The following TMED10 variants were observed in gnomAD, a reference collection of about 807,000 sequenced individuals.
TMED10 encodes the protein transmembrane emp24 domain-containing protein 10.
Under a neutral mutation model 23.1 loss-of-function variants are expected in TMED10, and 7 were observed. The observed-to-expected ratio is 0.30, with a 90% CI of 0.17 to 0.57. The LOEUF is 0.57. Among genes scored for constraint, TMED10 ranks in the 20% least tolerant of loss-of-function variants. TMED10 has a pLI of 0.91. For missense variants in TMED10, 162 were observed against 274.8 expected (o/e 0.59, Z 2.90); for synonymous variants, 113 against 106.9 (o/e 1.06, Z -0.35).
intron 1 of TMED10, among the ~76,000 whole-genome samples, chr14:75,163,448 G>T (rs1307809799): frequency 1.3e-5 from 2 of 150,870 alleles, no homozygotes; most frequent in Non-Finnish European, 2.9e-5. Flanking sequence ...AGCTACTCAG[G>T]CAGCTGAGGC....
chr14:75,151,103 G>A (rs200342261), intron 2 of TMED10, among the ~76,000 whole-genome samples: 1 of 151,848 alleles, frequency 6.6e-6, no homozygotes, highest in Non-Finnish European at 1.5e-5. Flanking sequence ...ATGGGGTTTC[G>A]CCATGTTGGC....
intron 1 of TMED10, among the ~76,000 whole-genome samples, chr14:75,169,748 C>G (rs1435679450): frequency 6.6e-6 from 1 of 152,180 alleles, no homozygotes; most frequent in Non-Finnish European, 1.5e-5. Context: ...CCTCCTACCT[C>G]AAATCAAACC....
At chr14:75,173,550 T>C (rs1896262392) in intron 1 of TMED10, among the ~76,000 whole-genome samples, 1 of 152,218 alleles carries the variant, frequency 6.6e-6, no homozygotes, top group Non-Finnish European at 1.5e-5. Flanking sequence ...CACTGCTTTT[T>C]TTTTTAAAAT....
chr14:75,138,812 C>CTTTTTTTTTTTTTTTTTTTTTTTTT (rs59707221), intron 3 of TMED10, among the ~76,000 whole-genome samples: 7 of 95,046 alleles, frequency 7.4e-5, no homozygotes, highest in Admixed American at 1.3e-4. Context: ...GCCTTTGCTT[C>CTTTTTTTTTTTTTTTTTTTTTTTTT]TTTTTTTTTT....
At chr14:75,146,171 T>G (rs1319101421) in intron 3 of TMED10, among the ~76,000 whole-genome samples, 1 of 152,226 alleles carries the variant, frequency 6.6e-6, no homozygotes, top group Non-Finnish European at 1.5e-5. Flanking sequence ...TACCGGAAAC[T>G]GTCTCCCATT....
chr14:75,157,608 C>A (rs1166992158), intron 1 of TMED10, among the ~76,000 whole-genome samples: 2 of 151,418 alleles, frequency 1.3e-5, no homozygotes, highest in African/African-American at 4.9e-5. Flanking sequence ...TGTGATTGTG[C>A]CACTGCACTC....
At chr14:75,142,984 G>A (rs1398649203) in intron 3 of TMED10, among the ~76,000 whole-genome samples, 3 of 151,992 alleles carry the variant, frequency 2.0e-5, no homozygotes, top group East Asian at 1.9e-4. Flanking sequence ...TCAGCTTCCC[G>A]AGTAGCTGGG....
At chr14:75,152,446 T>C (rs555632101) in intron 1 of TMED10, among the ~76,000 whole-genome samples, 38 of 152,346 alleles carry the variant, frequency 2.5e-4, no homozygotes, top group African/African-American at 9.1e-4. Flanking sequence ...TTGGATTTAT[T>C]GGCAAAAACT....
intron 1 of TMED10, among the ~76,000 whole-genome samples, chr14:75,154,178 G>C (rs1162619830): frequency 6.7e-6 from 1 of 148,544 alleles, no homozygotes; most frequent in Non-Finnish European, 1.5e-5. Context: ...GATCACCTGA[G>C]GTCAGGAGTT....
intron 3 of TMED10, among the ~76,000 whole-genome samples, chr14:75,143,055 C>T (rs1895842110): frequency 6.6e-6 from 1 of 152,012 alleles, no homozygotes; most frequent in Admixed American, 6.6e-5. Context: ...GACAGGGTTT[C>T]ACCATGTTGG....
chr14:75,172,079 G>T (rs1490288465), intron 1 of TMED10, among the ~76,000 whole-genome samples: 1 of 152,014 alleles, frequency 6.6e-6, no homozygotes, highest in Admixed American at 6.6e-5. Context: ...TATAGTGGAA[G>T]AACTGGTTAA....
chr14:75,164,561 ATATATATATATATATATTT>A (rs1291101853), intron 1 of TMED10, among the ~76,000 whole-genome samples: 5,131 of 14,250 alleles, frequency 0.36, 330 homozygotes, highest in Admixed American at 0.41. Flanking sequence ...ATATATATAT[ATATATATATATATATATTT>A]TTTTTTTTTT....
intron 3 of TMED10, among the ~76,000 whole-genome samples, chr14:75,147,073 C>G (rs1287934602): frequency 1.3e-5 from 2 of 152,098 alleles, no homozygotes; most frequent in African/African-American, 4.8e-5. Flanking sequence ...TACACACACA[C>G]AGTTCAAGAG....
intron 1 of TMED10, among the ~76,000 whole-genome samples, chr14:75,172,129 G>A (rs1896241435): frequency 6.6e-6 from 1 of 152,072 alleles, no homozygotes; most frequent in South Asian, 2.1e-4. Context: ...CCGAAATGCT[G>A]TACATTCTTT....
At chr14:75,176,142 C>T (rs61979163) in intron 1 of TMED10, 8,018 of 611,172 alleles carry the variant, frequency 0.013, 82 homozygotes, top group Middle Eastern at 0.029. Flanking sequence ...AGCCTCGCAG[C>T]CCTTCTTGGG....
In TMED10 at chr14:75,135,860, T is replaced by C. The variant is rs1234326278; in HGVS notation, c.438A>G (p.Pro146=). 3 of 1,613,618 alleles carry C rather than the reference T, an allele frequency of 1.9e-6. No individual in the cohort carries two copies. The African/African-American group carries it at 4.0e-5, about 22-fold the overall frequency. Residue 146 remains proline, a synonymous_variant, in exon 4 of 5, where the codon CCA becomes CCG. Coordinates refer to ENST00000303575, the MANE Select transcript of TMED10 (RefSeq NM_006827.6). The part of the protein sequence containing the change: ...EEIAKVEKLK[P]LEVELRRLED... The stretch of plus-strand genomic sequence containing the variant: ...CTAGGCGTCGCAGCTCTACCTCTAA[T>C]GGTTTGAGCTTCTCAACTTTTGCAA...
At chr14:75,166,311 G>C (rs950943902) in intron 1 of TMED10, among the ~76,000 whole-genome samples, 5 of 152,198 alleles carry the variant, frequency 3.3e-5, no homozygotes, top group African/African-American at 1.2e-4. Flanking sequence ...GTTCAGGTCT[G>C]TGGCCAGCTG....
intron 1 of TMED10, among the ~76,000 whole-genome samples, chr14:75,154,087 T>C (rs1384768505): frequency 1.3e-5 from 2 of 148,212 alleles, no homozygotes; most frequent in East Asian, 2.2e-4. Context: ...GAAAATGACA[T>C]GTAGCCGGGC....
intron 1 of TMED10, among the ~76,000 whole-genome samples, chr14:75,173,249 T>C (rs1896257569): frequency 1.3e-5 from 2 of 152,124 alleles, no homozygotes; most frequent in Non-Finnish European, 2.9e-5. Flanking sequence ...TAGCCGGATA[T>C]GGTGGCATGT....
Sources: gnomAD v4.1 joint callset for allele counts (sites outside exome capture counted in the v4.1 genomes callset) on GRCh38, gnomAD v4.1.1 for gene constraint, MANE v1.5 for transcripts, NCBI Gene and HGNC (gene_info 2026-07-23, HGNC 2026-07-21) for gene names.